SHISA9: variants seen among roughly 807,000 people sequenced by gnomAD.
SHISA9 encodes shisa family member 9.
In SHISA9, 13 loss-of-function variants were observed where a neutral mutation model predicts 38.0. That is an observed-to-expected ratio of 0.34 (90% CI 0.22 to 0.54). The LOEUF (loss-of-function observed/expected upper bound fraction) is 0.54, where lower values mean the gene tolerates loss of function less well. Ranked by LOEUF, SHISA9 falls within the 20% of genes least tolerant of loss-of-function variation. SHISA9 has a pLI of 0.91. For synonymous variants in SHISA9, 275 were observed against 242.0 expected (o/e 1.14, Z -1.27); for missense variants, 538 against 575.8 (o/e 0.93, Z 0.67).
chr16:13,199,923 G>A (rs2050988054), intron 2 of SHISA9, among the ~76,000 whole-genome samples: 1 of 152,176 alleles, frequency 6.6e-6, no homozygotes, highest in South Asian at 2.1e-4. Flanking sequence ...CCCTGAGCGA[G>A]GGTATCTCTG....
chr16:13,177,383 C>T (rs2050740207), intron 2 of SHISA9, among the ~76,000 whole-genome samples: 1 of 152,160 alleles, frequency 6.6e-6, no homozygotes, highest in Non-Finnish European at 1.5e-5. Context: ...AGACTCCCCA[C>T]AGAGACTATG....
intron 1 of SHISA9, among the ~76,000 whole-genome samples, chr16:12,914,638 G>T (rs538403245): frequency 6.6e-6 from 1 of 152,124 alleles, no homozygotes; most frequent in African/African-American, 2.4e-5. Flanking sequence ...ACTAGTCCAC[G>T]TAAAGTCCCT....
chr16:13,257,887 C>A, the SHISA9 span, among the ~76,000 whole-genome samples: 1 of 152,096 alleles, frequency 6.6e-6, no homozygotes, highest in Non-Finnish European at 1.5e-5. Context: ...GTGACATAAA[C>A]CTGTGCTTTC....
At chr16:13,443,698 C>T in the SHISA9 span, among the ~76,000 whole-genome samples, 1 of 152,152 alleles carries the variant, frequency 6.6e-6, no homozygotes, top group Non-Finnish European at 1.5e-5. Context: ...CATTTATTGC[C>T]TTGTTCTGCG....
chr16:13,000,276 T>G (rs571848819), intron 2 of SHISA9, among the ~76,000 whole-genome samples: 6 of 151,994 alleles, frequency 3.9e-5, no homozygotes, highest in Admixed American at 2.0e-4. Flanking sequence ...AAAGCCTGAG[T>G]TGGAGATTCC....
chr16:13,473,998 A>G, the SHISA9 span, among the ~76,000 whole-genome samples: 1 of 152,212 alleles, frequency 6.6e-6, no homozygotes, highest in African/African-American at 2.4e-5. Context: ...ATGCTGTGCA[A>G]TGTGCAGTAT....
chr16:13,150,381 C>T (rs543251085), intron 2 of SHISA9, among the ~76,000 whole-genome samples: 1 of 152,276 alleles, frequency 6.6e-6, no homozygotes, highest in East Asian at 1.9e-4. Flanking sequence ...TCTGATCTGT[C>T]ACTGCTCCTT....
chr16:13,472,376 A>ATTTTTT, the SHISA9 span, among the ~76,000 whole-genome samples: 12 of 113,432 alleles, frequency 1.1e-4, no homozygotes, highest in African/African-American at 4.3e-4. Flanking sequence ...CGCTCTGCTA[A>ATTTTTT]ATTTTTTTTT....
chr16:13,503,688 A>C, the SHISA9 span, among the ~76,000 whole-genome samples: 1 of 9,458 alleles, frequency 1.1e-4, no homozygotes, highest in African/African-American at 4.5e-4. Context: ...AGGAGTGACC[A>C]AAAAAAAAAA....
the SHISA9 span, among the ~76,000 whole-genome samples, chr16:13,422,633 T>G: frequency 6.6e-6 from 1 of 152,030 alleles, no homozygotes; most frequent in African/African-American, 2.4e-5. Context: ...GAGGCGGAGG[T>G]TGCAGTGAGC....
chr16:12,980,027 C>G (rs543389860), intron 2 of SHISA9, among the ~76,000 whole-genome samples: 1 of 152,188 alleles, frequency 6.6e-6, no homozygotes, highest in Non-Finnish European at 1.5e-5. Context: ...TTTACAAGGT[C>G]AGATGAGGCT....
At chr16:13,244,796 G>C (rs1236526183), downstream of SHISA9, among the ~76,000 whole-genome samples, 6 of 152,198 alleles carry the variant, frequency 3.9e-5, no homozygotes. Flanking sequence ...AAGTATTGAT[G>C]AGCACAAACA....
intron 2 of SHISA9, among the ~76,000 whole-genome samples, chr16:12,990,704 A>G (rs892056936): frequency 1.6e-4 from 25 of 152,304 alleles, no homozygotes; most frequent in Admixed American, 1.3e-3. Context: ...AGTAGAGAGC[A>G]GGGATGCTGG....
chr16:13,537,534 T>C, the SHISA9 span, among the ~76,000 whole-genome samples: 1 of 152,168 alleles, frequency 6.6e-6, no homozygotes. Context: ...TAACTACTTA[T>C]TGTTGTATTA....
intron 2 of SHISA9, among the ~76,000 whole-genome samples, chr16:13,003,425 T>C (rs2072551010): frequency 6.6e-6 from 1 of 152,218 alleles, no homozygotes; most frequent in Non-Finnish European, 1.5e-5. Context: ...TTCCAAACTT[T>C]TCAAATGCTG....
At chr16:13,315,065 T>C in the SHISA9 span, among the ~76,000 whole-genome samples, 2 of 129,514 alleles carry the variant, frequency 1.5e-5, no homozygotes, top group African/African-American at 2.8e-5. Flanking sequence ...ATGATCTGTG[T>C]GTGCACCCTT....
chr16:13,200,440 A>ACACACACACACACAGCAG (rs201359350), intron 2 of SHISA9, among the ~76,000 whole-genome samples: 8 of 150,036 alleles, frequency 5.3e-5, no homozygotes, highest in African/African-American at 2.0e-4. Context: ...ACACACACAC[A>ACACACACACACACAGCAG]CAGCAGCAGC....
At chr16:13,045,211 A>T (rs1442735299) in intron 2 of SHISA9, among the ~76,000 whole-genome samples, 1 of 152,228 alleles carries the variant, frequency 6.6e-6, no homozygotes. Context: ...ATAATGGCCA[A>T]ACTTCATCTG....
At chr16:12,908,808 G>A in intron 1 of SHISA9, 5 of 1,347,188 alleles carry the variant, frequency 3.7e-6, no homozygotes, top group Non-Finnish European at 4.8e-6. Context: ...TGACCTTGGG[G>A]ACAGAAGCAC....
Sources: gnomAD v4.1 joint callset for allele counts (sites outside exome capture counted in the v4.1 genomes callset) on GRCh38, gnomAD v4.1.1 for gene constraint, MANE v1.5 for transcripts, NCBI Gene and HGNC (gene_info 2026-07-23, HGNC 2026-07-21) for gene names.